SEC24B: variants seen among roughly 807,000 people sequenced by gnomAD.
SEC24B encodes SEC24 homolog B, COPII component, also known as protein transport protein Sec24B.
SEC24B carries 45 observed loss-of-function variants against 142.8 expected under a neutral mutation model. The observed-to-expected ratio is 0.32, with a 90% CI of 0.25 to 0.40. SEC24B has a LOEUF of 0.40. SEC24B is among the 10% of genes least tolerant of loss of function. The probability of loss-of-function intolerance (pLI) is 1.00; values close to 1 mark genes in which losing one functional copy is unlikely to be tolerated. For missense variants in SEC24B, 1,409 were observed against 1,526.8 expected (o/e 0.92, Z 1.29); for synonymous variants, 574 against 568.2 (o/e 1.01, Z -0.15).
chr4:109,434,606 G>A (rs1345824029), intron 1 of SEC24B, among the ~76,000 whole-genome samples: 3 of 152,252 alleles, frequency 2.0e-5, no homozygotes, highest in Non-Finnish European at 4.4e-5. Flanking sequence ...AAGTGTAACT[G>A]TAACCCTGAC....
chr4:109,488,582 C>G (rs1440536891), intron 4 of SEC24B: 4 of 153,188 alleles, frequency 2.6e-5, no homozygotes, highest in Non-Finnish European at 5.9e-5. Flanking sequence ...CATTTGTCAA[C>G]AAGTTTTTGT....
At chr4:109,451,391 C>T (rs984547846) in intron 1 of SEC24B, among the ~76,000 whole-genome samples, 12 of 150,276 alleles carry the variant, frequency 8.0e-5, no homozygotes, top group Admixed American at 1.3e-4. Flanking sequence ...AATGGAGTCT[C>T]GCTGTGTTGC....
intron 6 of SEC24B, among the ~76,000 whole-genome samples, chr4:109,502,523 T>G (rs1578916270): frequency 6.6e-6 from 1 of 152,168 alleles, no homozygotes; most frequent in East Asian, 1.9e-4. Context: ...AAGAGATAAC[T>G]TTTTATATGC....
chr4:109,502,753 A>G (rs1022890704), intron 6 of SEC24B, among the ~76,000 whole-genome samples: 6 of 152,242 alleles, frequency 3.9e-5, no homozygotes, highest in African/African-American at 1.4e-4. Context: ...GAAATAATGT[A>G]CCAATGTATA....
At chr4:109,434,077 G>GCGGGC (rs1244940619) in intron 1 of SEC24B, 75 bp downstream of exon 1, 149 of 965,120 alleles carry the variant, frequency 1.5e-4, no homozygotes, top group Non-Finnish European at 1.8e-4. Flanking sequence ...TCGGGGCGGG[G>GCGGGC]CGGGCCGGGC....
chr4:109,454,997 A>G (rs969572153), intron 1 of SEC24B, among the ~76,000 whole-genome samples: 2 of 152,202 alleles, frequency 1.3e-5, no homozygotes, highest in Non-Finnish European at 2.9e-5. Context: ...ATACTTCTGC[A>G]TGGCTGTCCG....
intron 6 of SEC24B, among the ~76,000 whole-genome samples, chr4:109,500,629 A>G (rs987247674): frequency 6.6e-6 from 1 of 151,990 alleles, no homozygotes; most frequent in Admixed American, 6.6e-5. Context: ...TAAAGAAGTT[A>G]TGTAAACTAA....
At chr4:109,518,801 G>GT (rs1561168339) in intron 11 of SEC24B, among the ~76,000 whole-genome samples, 11 of 137,904 alleles carry the variant, frequency 8.0e-5, no homozygotes, top group African/African-American at 3.1e-4. Context: ...TGATGTTTCT[G>GT]TCTTTTTTTT....
At chr4:109,525,526 AT>A in intron 16 of SEC24B, 22 bp downstream of exon 16, 1 of 1,522,678 alleles carries the variant, frequency 6.6e-7, no homozygotes, top group Non-Finnish European at 8.9e-7. Flanking sequence ...TAAAAGTTAT[AT>A]TTTATATTAA....
intron 3 of SEC24B, 94 bp downstream of exon 3, chr4:109,473,280 C>A (rs1246767277): frequency 3.7e-6 from 3 of 809,416 alleles, no homozygotes; most frequent in Non-Finnish European, 3.5e-6. Flanking sequence ...TCAATCCAAA[C>A]ACAACTTTTG....
rs1487204125 is a variant in SEC24B, at chr4:109,506,327, G to A, written c.1489-1G>A. On this transcript the variant is annotated splice_acceptor_variant, in intron 6 of 23. Coordinates refer to ENST00000265175, the MANE Select transcript of SEC24B (RefSeq NM_006323.5). LOFTEE classifies it high-confidence loss of function. ...TATTTTGTTTTGAATTGCTCTTTCA[G>A]CAGTATCCTGGTGTGAACCAGCTAT... The A allele has an allele frequency of 6.6e-7, 1 of 1,523,498 alleles. No individual in the cohort carries two copies. The highest frequency in any genetic ancestry group is 1.4e-5 in the African/African-American group (1 of 70,996). 94.4% of individuals were successfully genotyped at this position (1,523,498 alleles called of 1,614,324 possible). A position where few individuals can be genotyped will look rare whatever the true frequency, so the allele number is the denominator to read the frequency against.
chr4:109,533,559 G>A, intron 21 of SEC24B, 34 bp from the exon 22 acceptor site: 1 of 1,244,336 alleles, frequency 8.0e-7, no homozygotes, highest in Non-Finnish European at 1.2e-6. Context: ...TAACTATTAG[G>A]GAGTTTTAAT....
chr4:109,524,702 AT>A, intron 14 of SEC24B, 115 bp from the exon 15 acceptor site: 1 of 858,556 alleles, frequency 1.2e-6, no homozygotes. Context: ...ATGCCTAGAC[AT>A]TTAGAAAACT....
intron 1 of SEC24B, among the ~76,000 whole-genome samples, chr4:109,454,722 C>T (rs1561074620): frequency 6.6e-6 from 1 of 152,168 alleles, no homozygotes; most frequent in Non-Finnish European, 1.5e-5. Context: ...GAAACTGGAA[C>T]CTTTTTTCCC....
chr4:109,538,243 A>G (rs767720839), intron 22 of SEC24B, among the ~76,000 whole-genome samples: 1 of 152,230 alleles, frequency 6.6e-6, no homozygotes, highest in African/African-American at 2.4e-5. Flanking sequence ...TGTTTTATTG[A>G]CTTACCAAGA....
intron 1 of SEC24B, among the ~76,000 whole-genome samples, chr4:109,452,485 T>C (rs941981002): frequency 2.0e-5 from 3 of 152,230 alleles, no homozygotes; most frequent in African/African-American, 7.2e-5. Context: ...CTTAAGTTTA[T>C]AACAAATTGC....
At chr4:109,444,713 T>G (rs1231639628) in intron 1 of SEC24B, among the ~76,000 whole-genome samples, 1 of 152,126 alleles carries the variant, frequency 6.6e-6, no homozygotes, top group Non-Finnish European at 1.5e-5. Flanking sequence ...GGCTGTATCT[T>G]GCTGGCACAT....
At chr4:109,534,772 A>AT (rs1464150588) in intron 22 of SEC24B, among the ~76,000 whole-genome samples, 5 of 152,186 alleles carry the variant, frequency 3.3e-5, no homozygotes, top group Non-Finnish European at 7.4e-5. Flanking sequence ...TAACTTCTCT[A>AT]TAAAAAGTTC....
intron 10 of SEC24B, among the ~76,000 whole-genome samples, chr4:109,515,408 G>A (rs1221420234): frequency 6.6e-6 from 1 of 151,996 alleles, no homozygotes; most frequent in Non-Finnish European, 1.5e-5. Flanking sequence ...GCTCCAGTTA[G>A]CATATTTTTA....
Sources: allele counts gnomAD v4.1 joint callset (sites outside exome capture counted in the v4.1 genomes callset), GRCh38; gene constraint gnomAD v4.1.1; transcripts MANE v1.5; gene names NCBI Gene and HGNC (gene_info 2026-07-23, HGNC 2026-07-21).